The following ANKFN1 variants were observed in gnomAD, a reference collection of about 807,000 sequenced individuals.
ANKFN1 encodes the protein ankyrin repeat and fibronectin type-III domain-containing protein 1.
ANKFN1 carries 74 observed loss-of-function variants against 108.7 expected under a neutral mutation model. The observed-to-expected ratio is 0.68, with a 90% CI of 0.56 to 0.83. The LOEUF (loss-of-function observed/expected upper bound fraction) is 0.83, where lower values mean the gene tolerates loss of function less well. Among genes scored for constraint, ANKFN1 ranks in the 40% least tolerant of loss-of-function variants. The pLI is 0.00. For missense variants in ANKFN1, 1,505 were observed against 1,382.3 expected (o/e 1.09, Z -1.41); for synonymous variants, 547 against 516.2 (o/e 1.06, Z -0.81).
At chr17:56,360,206 T>C (rs2046479766) in intron 6 of ANKFN1, among the ~76,000 whole-genome samples, 1 of 152,198 alleles carries the variant, frequency 6.6e-6, no homozygotes, top group African/African-American at 2.4e-5. Context: ...TCTTATACTG[T>C]GCACTCCTCA....
chr17:56,324,847 C>T (rs2045471339), intron 3 of ANKFN1, among the ~76,000 whole-genome samples: 1 of 152,244 alleles, frequency 6.6e-6, no homozygotes, highest in South Asian at 2.1e-4. Flanking sequence ...CTAAACCAAG[C>T]TCTTCCTTTG....
chr17:56,302,863 C>T (rs185815704), intron 3 of ANKFN1, among the ~76,000 whole-genome samples: 9 of 152,230 alleles, frequency 5.9e-5, no homozygotes, highest in Admixed American at 6.5e-5. Context: ...CTACCAGATC[C>T]CTTTAAATAG....
chr17:56,357,983 T>C (rs979003416), intron 6 of ANKFN1, among the ~76,000 whole-genome samples: 1 of 152,130 alleles, frequency 6.6e-6, no homozygotes, highest in African/African-American at 2.4e-5. Context: ...AGTTAATAGG[T>C]GGTGCAGTCA....
Position 56,467,713 on chromosome 17 carries a change from GAGAA to G in ANKFN1, c.1773+1154_1773+1157del, listed in dbSNP as rs1224646156. Among the ~76,000 whole-genome samples the G allele has an allele frequency of 1.0e-4, 14 of 138,298 alleles. No homozygotes were observed. In the East Asian group the frequency reaches 1.0e-3, roughly 10 times the overall value. 90.7% of individuals were successfully genotyped at this position (138,298 alleles called of 152,430 possible). A position where few individuals can be genotyped will look rare whatever the true frequency, so the allele number is the denominator to read the frequency against. ...AAAGAAAGAAAAGAAAAGAAAGAGA[GAGAA>G]AGAAAGAAAGAGAGAAAGAAAGAAA... On this transcript the variant is annotated intron_variant, in intron 15 of 20. Coordinates refer to ENST00000682825, the MANE Select transcript of ANKFN1 (RefSeq NM_001370326.1).
At chr17:56,279,225 CA>C (rs1297863489) in intron 3 of ANKFN1, among the ~76,000 whole-genome samples, 6 of 152,064 alleles carry the variant, frequency 3.9e-5, no homozygotes, top group Non-Finnish European at 8.8e-5. Context: ...AATTATATAA[CA>C]TCAGTTTTTC....
At chr17:56,281,412 A>G (rs2044079495) in intron 3 of ANKFN1, among the ~76,000 whole-genome samples, 1 of 152,210 alleles carries the variant, frequency 6.6e-6, no homozygotes, top group Admixed American at 6.5e-5. Flanking sequence ...TTTTATATGG[A>G]TCACAGACCT....
intron 4 of ANKFN1, among the ~76,000 whole-genome samples, chr17:56,141,779 A>G (rs897066243): frequency 2.6e-5 from 4 of 152,134 alleles, no homozygotes; most frequent in Non-Finnish European, 4.4e-5. Flanking sequence ...AAGCAGAACA[A>G]TCAGTGTGGG....
chr17:56,300,596 T>TG (rs1450470992), intron 3 of ANKFN1, among the ~76,000 whole-genome samples: 5 of 152,086 alleles, frequency 3.3e-5, no homozygotes, highest in African/African-American at 4.8e-5. Flanking sequence ...AATTGTTTTT[T>TG]TTTTTTTTTT....
At chr17:56,195,221 A>G (rs1172219328) in intron 1 of ANKFN1, 4 of 152,196 alleles carry the variant, frequency 2.6e-5, no homozygotes, top group Non-Finnish European at 5.9e-5. Flanking sequence ...TGGTGCTCCC[A>G]TGCACTTTGC....
intron 8 of ANKFN1, among the ~76,000 whole-genome samples, chr17:56,432,479 G>A (rs1244924368): frequency 2.0e-5 from 3 of 152,178 alleles, no homozygotes; most frequent in East Asian, 1.9e-4. Flanking sequence ...CTGTTCAGGC[G>A]TAATCTTTTA....
rs1598344805 is a variant in ANKFN1 at position 56,279,247 on chromosome 17, C to T, written c.54-46974C>T. On this transcript the variant is annotated intron_variant, in intron 3 of 20. Transcript: ENST00000682825. ...TAACATCAGTTTTTCTACCTATTGTCCTATAATTTCCATTTTCTAAACAGA... is the reference window on the plus strand; with the variant it reads ...TAACATCAGTTTTTCTACCTATTGTTCTATAATTTCCATTTTCTAAACAGA... 2.0e-5 allele frequency among the ~76,000 whole-genome samples: 3 copies of T among 152,172 alleles called. 1 individual carries two copies. In the South Asian group the frequency reaches 6.2e-4, roughly 32 times the overall value.
intron 4 of ANKFN1, among the ~76,000 whole-genome samples, chr17:56,088,417 G>C (rs1905354234): frequency 6.6e-6 from 1 of 151,312 alleles, no homozygotes; most frequent in Admixed American, 6.6e-5. Context: ...GCCCCATGAA[G>C]ATGGCTGGTG....
chr17:56,250,526 T>G (rs2043209916), intron 3 of ANKFN1, among the ~76,000 whole-genome samples: 1 of 152,224 alleles, frequency 6.6e-6, no homozygotes, highest in Non-Finnish European at 1.5e-5. Context: ...ATATTGAAAA[T>G]AGTAAATCAC....
chr17:56,072,437 G>A (rs1567781578), intron 4 of ANKFN1, among the ~76,000 whole-genome samples: 1 of 152,184 alleles, frequency 6.6e-6, no homozygotes, highest in East Asian at 1.9e-4. Context: ...TACTGCCGCA[G>A]CTCAGTTAAT....
chr17:56,292,054 C>A (rs1321455895), intron 3 of ANKFN1, among the ~76,000 whole-genome samples: 1 of 152,166 alleles, frequency 6.6e-6, no homozygotes, highest in Non-Finnish European at 1.5e-5. Flanking sequence ...ATAGGAGAGC[C>A]AATCAGGTGG....
intron 6 of ANKFN1, chr17:56,367,954 C>G (rs921000659): frequency 9.8e-6 from 2 of 203,866 alleles, no homozygotes; most frequent in Non-Finnish European, 2.1e-5. Context: ...TAGAGAAAAT[C>G]CACCGAGTTC....
chr17:56,408,052 A>G (rs958761271), intron 8 of ANKFN1, among the ~76,000 whole-genome samples: 2 of 145,296 alleles, frequency 1.4e-5, no homozygotes, highest in Non-Finnish European at 3.0e-5. Context: ...CTCTTGCCTC[A>G]GCCTCCTGAG....
In ANKFN1 at chr17:56,489,722, A is replaced by G. The variant is rs576200464; in HGVS notation, c.2261-2465A>G. On this transcript the variant is annotated intron_variant, in intron 18 of 20. Transcript: ENST00000682825. ...TCATATTTTAGAAAGGGGAAAAAAA[A>G]CAATTTTTTTTTTTTACCTCTTGGT... Among the ~76,000 whole-genome samples the G allele has an allele frequency of 2.0e-5, 3 of 152,254 alleles. No homozygotes were observed. The South Asian group carries it at 6.2e-4, about 32-fold the overall frequency.
At chr17:56,389,545 T>C (rs547778811) in intron 8 of ANKFN1, among the ~76,000 whole-genome samples, 10 of 152,356 alleles carry the variant, frequency 6.6e-5, no homozygotes, top group African/African-American at 1.9e-4. Context: ...TCACTTCTCC[T>C]TTTTATTCAG....
Sources: allele counts gnomAD v4.1 joint callset (sites outside exome capture counted in the v4.1 genomes callset), GRCh38; gene constraint gnomAD v4.1.1; transcripts MANE v1.5; gene names NCBI Gene and HGNC (gene_info 2026-07-23, HGNC 2026-07-21).